Variants in LBR observed in about 807,000 individuals in gnomAD.
The protein encoded by LBR is delta(14)-sterol reductase LBR.
LBR carries 28 observed loss-of-function variants against 74.3 expected under a neutral mutation model. The ratio of observed to expected loss-of-function variants is 0.38; its 90% CI spans 0.28 to 0.52. LBR has a LOEUF of 0.52. Ranked by LOEUF, LBR falls within the 20% of genes least tolerant of loss-of-function variation. LBR has a pLI of 0.89. For synonymous variants in LBR, 228 were observed against 269.3 expected, an observed-to-expected ratio of 0.85 and a Z score of 1.50; for missense variants, 717 against 760.3, an observed-to-expected ratio of 0.94 and a Z score of 0.67.
chr1:225,403,428 A>T lies in LBR; in HGVS notation c.1723T>A (p.Tyr575Asn). 4 of 1,613,068 alleles carry T rather than the reference A, an allele frequency of 2.5e-6. No homozygotes were observed. Among genetic ancestry groups the T allele is most frequent in the Non-Finnish European group, 3.4e-6 (4 of 1,179,056 alleles). The change falls in exon 14 of 14, where the codon TAT becomes AAT. Residue 575 changes from tyrosine to asparagine, a missense_variant. Coordinates refer to ENST00000272163, the MANE Select transcript of LBR (RefSeq NM_002296.4). ...CGGTGGACAAGCAACATGGTGAAAT[A>T]AATTATGTAGAAATAAGGCAGAATG... is the stretch of plus-strand genomic sequence containing the variant. Reference protein sequence around the residue: ...NHILPYFYIIYFTMLLVHREA... With the variant: ...NHILPYFYIINFTMLLVHREA...
chr1:225,421,657 T>C (rs1471906114), intron 3 of LBR, among the ~76,000 whole-genome samples: 1 of 152,268 alleles, frequency 6.6e-6, no homozygotes, highest in African/African-American at 2.4e-5. Flanking sequence ...AGCTTACATC[T>C]TGAAAGTAAT....
intron 10 of LBR, 120 bp downstream of exon 10, chr1:225,410,171 G>C: frequency 6.8e-7 from 1 of 1,480,956 alleles, no homozygotes; most frequent in Non-Finnish European, 9.3e-7. Flanking sequence ...CTCCTCTCAA[G>C]CAGCCTTGGA....
intron 6 of LBR, among the ~76,000 whole-genome samples, chr1:225,416,922 C>T (rs1338771571): frequency 6.6e-6 from 1 of 152,138 alleles, no homozygotes; most frequent in African/African-American, 2.4e-5. Context: ...TCAGCATCCT[C>T]AGATTTTGGT....
intron 1 of LBR, among the ~76,000 whole-genome samples, chr1:225,424,629 C>G (rs2096135692): frequency 6.6e-6 from 1 of 152,152 alleles, no homozygotes; most frequent in African/African-American, 2.4e-5. Context: ...ACTCTTACAG[C>G]TAAAGTACAA....
At chr1:225,424,448 T>TA (rs1471406432) in intron 1 of LBR, among the ~76,000 whole-genome samples, 1 of 152,230 alleles carries the variant, frequency 6.6e-6, no homozygotes, top group Non-Finnish European at 1.5e-5. Context: ...ACAATGGCTT[T>TA]AAAAATGCAT....
At chr1:225,426,095 G>A (rs960413610) in intron 1 of LBR, among the ~76,000 whole-genome samples, 1 of 152,152 alleles carries the variant, frequency 6.6e-6, no homozygotes, top group African/African-American at 2.4e-5. Flanking sequence ...TTTAAAAGAA[G>A]AATTAAGATT....
At chr1:225,428,628 T>G (rs2096146075), upstream of LBR, 1 of 152,024 alleles carries the variant, frequency 6.6e-6, no homozygotes, top group Non-Finnish European at 1.5e-5. Flanking sequence ...TGAACCTGCG[T>G]AGAAGCGAAC....
chr1:225,406,820 T>C lies in LBR; in HGVS notation c.1327A>G (p.Thr443Ala). 1.2e-6 allele frequency: 2 copies of C among 1,614,180 alleles called. No homozygotes were observed. The highest frequency in any genetic ancestry group is 1.7e-6 in the Non-Finnish European group (2 of 1,180,014). ...CCATCGTGGATGATGTCCATGGTCGTCAACAACGCTTCCTATAAGGATACA... is the reference window on the plus strand; with the variant it reads ...CCATCGTGGATGATGTCCATGGTCGCCAACAACGCTTCCTATAAGGATACA... The part of the protein sequence containing the change: ...DALWNEEALL[T>A]TMDIIHDGFG... The change falls in exon 11 of 14, where the codon ACG becomes GCG. Residue 443 changes from threonine (T) to alanine (A), a missense_variant. Transcript: ENST00000272163.
rs751741788 is a variant in LBR, at chr1:225,419,766, A to G, written c.399T>C (p.Asn133=). 1.2e-6 allele frequency: 2 copies of G among 1,612,612 alleles called. No individual in the cohort carries two copies. Among genetic ancestry groups the G allele is most frequent in the South Asian group, 2.2e-5 (2 of 91,004 alleles). The change falls in exon 4 of 14, where the codon AAT becomes AAC. Residue 133 remains asparagine, a synonymous_variant. Coordinates refer to ENST00000272163, the MANE Select transcript of LBR (RefSeq NM_002296.4). ...KPFGNSISRY[N]GEPEHIERND... ...TTCTCTCAATATGCTCAGGCTCCCCATTATATCTGCTGATGCTATTTCCAA... is the reference window on the plus strand; with the variant it reads ...TTCTCTCAATATGCTCAGGCTCCCCGTTATATCTGCTGATGCTATTTCCAA...
intron 1 of LBR, among the ~76,000 whole-genome samples, 155 bp from the exon 2 acceptor site, chr1:225,424,244 T>C (rs752651630): frequency 1.6e-4 from 25 of 152,158 alleles, no homozygotes; most frequent in Non-Finnish European, 3.4e-4. Context: ...TTGGAATCAT[T>C]TGAGAGGATG....
intron 8 of LBR, among the ~76,000 whole-genome samples, chr1:225,411,699 G>T (rs2096106103): frequency 6.6e-6 from 1 of 152,206 alleles, no homozygotes; most frequent in Admixed American, 6.5e-5. Context: ...AAATCATGGG[G>T]GCCCCCCCAA....
chr1:225,417,897 CA>C, intron 6 of LBR, 86 bp downstream of exon 6: 1 of 1,207,494 alleles, frequency 8.3e-7, no homozygotes, highest in South Asian at 1.3e-5. Context: ...GCAAGAGGAT[CA>C]CTTGATCCCA....
intron 10 of LBR, among the ~76,000 whole-genome samples, chr1:225,409,715 C>A (rs182465829): frequency 2.0e-5 from 3 of 152,182 alleles, no homozygotes; most frequent in African/African-American, 7.2e-5. Context: ...CTGGCTGAGA[C>A]AGAGAAAACA....
intron 11 of LBR, among the ~76,000 whole-genome samples, chr1:225,406,390 T>C (rs908149463): frequency 2.0e-5 from 3 of 152,188 alleles, no homozygotes; most frequent in Admixed American, 6.5e-5. Context: ...AAAAGACGTA[T>C]GGTTACCAAA....
intron 2 of LBR, 37 bp from the exon 3 acceptor site, chr1:225,422,314 A>C (rs755552596): frequency 6.5e-7 from 1 of 1,533,538 alleles, no homozygotes; most frequent in Non-Finnish European, 9.0e-7. Flanking sequence ...CTTTACCACA[A>C]ATCATAACAC....
intron 3 of LBR, 122 bp downstream of exon 3, chr1:225,421,955 C>T: frequency 1.0e-6 from 1 of 978,286 alleles, no homozygotes; most frequent in Non-Finnish European, 1.5e-6. Flanking sequence ...TGAAAACTCC[C>T]AAAGTCATCA....
At chr1:225,412,069 C>T (rs781536641) in intron 8 of LBR, among the ~76,000 whole-genome samples, 4 of 152,232 alleles carry the variant, frequency 2.6e-5, no homozygotes, top group Admixed American at 2.6e-4. Context: ...CTTGGCCTCC[C>T]GAAGTGCTGG....
In LBR at chr1:225,422,155, T is replaced by C. The variant is rs201694077; in HGVS notation, c.288A>G (p.Arg96=). ...SPGRPPKSAR[R]SASASHQADI... The stretch of plus-strand genomic sequence containing the variant: ...CGGCCTGGTGGGAAGCAGAAGCAGA[T>C]CGGCGGGCACTTTTAGGTGGTCGAC... Residue 96 remains arginine, a synonymous_variant, in exon 3 of 14, where the codon CGA becomes CGG. Transcript: ENST00000272163. 58 of 1,614,098 alleles carry C rather than the reference T, an allele frequency of 3.6e-5. No homozygotes were observed. The highest frequency in any genetic ancestry group is 1.7e-4 in the Middle Eastern group (1 of 6,036).
chr1:225,405,950 AAGTGTTT>A (rs1167351523), intron 11 of LBR, among the ~76,000 whole-genome samples: 5 of 152,144 alleles, frequency 3.3e-5, no homozygotes, highest in Middle Eastern at 3.2e-3. Flanking sequence ...CCTCTAGTAT[AAGTGTTT>A]AGTGAACAGT....
Sources: gnomAD v4.1 joint callset for allele counts (sites outside exome capture counted in the v4.1 genomes callset) on GRCh38, gnomAD v4.1.1 for gene constraint, MANE v1.5 for transcripts, NCBI Gene and HGNC (gene_info 2026-07-23, HGNC 2026-07-21) for gene names.